The following ITPR1 variants were observed in gnomAD, a reference collection of about 807,000 sequenced individuals.
ITPR1 encodes the protein inositol 1,4,5-trisphosphate-gated calcium channel ITPR1.
Under a neutral mutation model 318.4 loss-of-function variants are expected in ITPR1, and 96 were observed. The observed-to-expected ratio is 0.30, with a 90% CI of 0.26 to 0.36. The LOEUF is 0.36. Among genes scored for constraint, ITPR1 ranks in the 10% least tolerant of loss-of-function variants. The probability of loss-of-function intolerance (pLI) is 1.00; values close to 1 mark genes in which losing one functional copy is unlikely to be tolerated. For synonymous variants in ITPR1, 1,312 were observed against 1,289.9 expected (o/e 1.02, Z -0.37); for missense variants, 2,440 against 3,460.2 (o/e 0.71, Z 7.40).
chr3:4,681,308 C>A, intron 25 of ITPR1, 56 bp from the exon 26 acceptor site: 1 of 1,223,988 alleles, frequency 8.2e-7, no homozygotes, highest in Non-Finnish European at 1.2e-6. Flanking sequence ...ATGAGTTCAC[C>A]AGCAGCATGT....
intron 4 of ITPR1, among the ~76,000 whole-genome samples, chr3:4,580,831 G>A (rs1262903489): frequency 6.6e-6 from 1 of 152,142 alleles, no homozygotes; most frequent in African/African-American, 2.4e-5. Context: ...GGATACAGTG[G>A]GCACATAGGG....
rs2094764124 is a variant in ITPR1, at chr3:4,706,676, T to TC, written c.4842+329dup. 3.3e-5 allele frequency among the ~76,000 whole-genome samples: 5 copies of TC among 152,292 alleles called. No homozygotes were observed. In the South Asian group the frequency reaches 1.0e-3, roughly 32 times the overall value. ...GAGTAAGAGCATAAATGTTCCATTT[T>TC]CCCCATCACTCTGGGGTTATTTAGC... On this transcript the variant is annotated intron_variant, in intron 37 of 61. Transcript: ENST00000649015.
At chr3:4,530,327 A>T (rs1167873389) in intron 4 of ITPR1, among the ~76,000 whole-genome samples, 2 of 152,182 alleles carry the variant, frequency 1.3e-5, no homozygotes, top group East Asian at 3.8e-4. Context: ...ATACTGGTTG[A>T]AAAGGAATTG....
intron 4 of ITPR1, among the ~76,000 whole-genome samples, chr3:4,542,697 T>G (rs2084578766): frequency 6.6e-6 from 1 of 152,064 alleles, no homozygotes; most frequent in Non-Finnish European, 1.5e-5. Flanking sequence ...GGGGTGGGTC[T>G]GAGCTTTATG....
At chr3:4,685,715 G>C (rs1367448665) in intron 30 of ITPR1, among the ~76,000 whole-genome samples, 1 of 152,190 alleles carries the variant, frequency 6.6e-6, no homozygotes, top group Non-Finnish European at 1.5e-5. Flanking sequence ...GTTGTACTTT[G>C]CCTCTAATTT....
At chr3:4,747,380 T>C (rs1285364407) in intron 44 of ITPR1, among the ~76,000 whole-genome samples, 1 of 152,212 alleles carries the variant, frequency 6.6e-6, no homozygotes. Context: ...AGGGTTTGTT[T>C]TCTGCCAGAA....
intron 44 of ITPR1, among the ~76,000 whole-genome samples, 165 bp from the exon 45 acceptor site, chr3:4,766,365 C>T (rs1203235207): frequency 6.6e-6 from 1 of 152,190 alleles, no homozygotes; most frequent in African/African-American, 2.4e-5. Context: ...GGCCTTAGAA[C>T]CCAGAGAACT....
At chr3:4,630,277 C>T (rs1166939579) in intron 5 of ITPR1, among the ~76,000 whole-genome samples, 3 of 152,006 alleles carry the variant, frequency 2.0e-5, no homozygotes, top group East Asian at 1.9e-4. Flanking sequence ...GTGTGAAAAG[C>T]ATGTTATCTG....
At chr3:4,628,520 G>A (rs1400639094) in intron 5 of ITPR1, among the ~76,000 whole-genome samples, 2 of 152,138 alleles carry the variant, frequency 1.3e-5, no homozygotes, top group Admixed American at 1.3e-4. Context: ...GCATTCCGAG[G>A]CTAATCAGGA....
At chr3:4,497,837 G>C (rs1464121718) in intron 2 of ITPR1, among the ~76,000 whole-genome samples, 1 of 115,100 alleles carries the variant, frequency 8.7e-6, no homozygotes, top group East Asian at 2.7e-4. Flanking sequence ...CAGATAAAAT[G>C]TGAAATATAC....
rs79373281 is a variant in ITPR1 at position 4,810,774 on chromosome 3, G to T, written c.7273-491G>T. Among the ~76,000 whole-genome samples, 26 of 152,346 alleles carry T rather than the reference G, an allele frequency of 1.7e-4. No homozygotes were observed. In the East Asian group the frequency reaches 4.4e-3, roughly 26 times the overall value. ...GCCCGAGATCATACGGTGGACAGTA[G>T]CTGAGCTGAGATTTGAATTTACATC... is the stretch of plus-strand genomic sequence containing the variant. On this transcript the variant is annotated intron_variant, in intron 55 of 61. Transcript: ENST00000649015.
chr3:4,782,353 AAAG>A (rs1435656538), intron 49 of ITPR1: 1 of 292,082 alleles, frequency 3.4e-6, no homozygotes, highest in Non-Finnish European at 6.3e-6. Flanking sequence ...GCTGCCTTCT[AAAG>A]AAGGACATTA....
intron 59 of ITPR1, 23 bp downstream of exon 59, chr3:4,815,241 A>C (rs746428542): frequency 1.5e-5 from 24 of 1,612,656 alleles, no homozygotes; most frequent in Non-Finnish European, 2.0e-5. Flanking sequence ...GGCCAGCTCC[A>C]GCAAGGGCGT....
Position 4,527,127 on chromosome 3 carries a change from T to C in ITPR1, c.163+6033T>C, listed in dbSNP as rs535326038. The stretch of plus-strand genomic sequence containing the variant: ...AGCTGGTCCAGTGCCATGTGACTTA[T>C]GAGTGTCGTAGCCAGAGCCCTCTTC... On this transcript the variant is annotated intron_variant, in intron 4 of 61. Coordinates refer to ENST00000649015, the MANE Select transcript of ITPR1 (RefSeq NM_001378452.1). Among the ~76,000 whole-genome samples, 8 of 152,312 alleles carry C rather than the reference T, an allele frequency of 5.3e-5. 1 individual carries two copies. Among genetic ancestry groups the C allele is most frequent in the African/African-American group, 1.9e-4 (8 of 41,566 alleles).
chr3:4,810,117 C>G (rs1044753968), intron 55 of ITPR1, among the ~76,000 whole-genome samples: 6 of 152,180 alleles, frequency 3.9e-5, no homozygotes, highest in Non-Finnish European at 5.9e-5. Flanking sequence ...GAAACAGATC[C>G]AGAGAGCTTA....
chr3:4,624,747 T>G (rs1052989273), intron 4 of ITPR1, among the ~76,000 whole-genome samples: 5 of 152,252 alleles, frequency 3.3e-5, no homozygotes, highest in African/African-American at 9.6e-5. Flanking sequence ...AGTTTTATAT[T>G]ATCATTAACA....
At chr3:4,613,621 C>T (rs1489854339) in intron 4 of ITPR1, among the ~76,000 whole-genome samples, 6 of 152,088 alleles carry the variant, frequency 3.9e-5, no homozygotes, top group African/African-American at 7.2e-5. Context: ...TCCTTATAGA[C>T]CAGCAGCCTC....
chr3:4,826,086 C>T lies in ITPR1; in HGVS notation c.8028+7844C>T, dbSNP rs1003884445. On this transcript the variant is annotated intron_variant, in intron 60 of 61. Transcript: ENST00000649015. This position sits in a 1 kb window ranked among gnomAD's most constrained non-coding sequence, Gnocchi z 4.2. ...TGCACTTAACCCTGGTCTGACCTTT[C>T]TGCCCGCCTGTGCACCTCCTCTGTG... Among the ~76,000 whole-genome samples the T allele has an allele frequency of 4.6e-5, 7 of 152,350 alleles. No homozygotes were observed. Among genetic ancestry groups the T allele is most frequent in the Non-Finnish European group, 7.3e-5 (5 of 68,032 alleles).
At chr3:4,688,435 T>A in intron 30 of ITPR1, 60 bp from the exon 31 acceptor site, 1 of 1,602,422 alleles carries the variant, frequency 6.2e-7, no homozygotes, top group Non-Finnish European at 8.5e-7. Flanking sequence ...GTGTTGGGTA[T>A]AGGAGAAGCT....
Sources: allele counts gnomAD v4.1 joint callset (sites outside exome capture counted in the v4.1 genomes callset), GRCh38; gene constraint gnomAD v4.1.1; non-coding constraint Gnocchi (gnomAD v3.1); transcripts MANE v1.5; gene names NCBI Gene and HGNC (gene_info 2026-07-23, HGNC 2026-07-21).